Variants in STAT6 observed in about 807,000 individuals in gnomAD.
STAT6 encodes signal transducer and activator of transcription 6.
A neutral mutation model predicts 106.3 loss-of-function variants in STAT6; 45 were observed. The observed-to-expected ratio is 0.42, with a 90% CI of 0.33 to 0.54. The LOEUF (loss-of-function observed/expected upper bound fraction) is 0.54, where lower values mean the gene tolerates loss of function less well. STAT6 is among the 20% of genes least tolerant of loss of function. The probability of loss-of-function intolerance (pLI) is 0.06; values close to 1 mark genes in which losing one functional copy is unlikely to be tolerated. For synonymous variants in STAT6, 413 were observed against 413.6 expected (o/e 1.00, Z 0.02); for missense variants, 797 against 1,062.2 (o/e 0.75, Z 3.47).
In STAT6 at chr12:57,099,379, C is replaced by G. The variant is rs2033669083; in HGVS notation, c.1806G>C (p.Leu602=). The change falls in exon 16 of 22, where the codon CTG becomes CTC. Residue 602 remains leucine (L), a synonymous_variant. Coordinates refer to ENST00000300134, the MANE Select transcript of STAT6 (RefSeq NM_003153.5). The surrounding 1 kb of genome is among the most constrained non-coding windows in gnomAD (Gnocchi z 4.7). ...FSAKDLSIRS[L]GDRIRDLAQL... is the part of the protein sequence containing the mutation. ...GAGCAAGATCCCGGATTCGGTCCCC[C>G]AGTGAGCGAATGGACAGGTCTTTGG... The G allele has an allele frequency of 6.2e-7, 1 of 1,614,018 alleles. No homozygotes were observed. The highest frequency in any genetic ancestry group is 1.7e-5 in the Admixed American group (1 of 60,004).
At chr12:57,097,450 T>G (rs2033521955) in intron 19 of STAT6, among the ~76,000 whole-genome samples, 1 of 152,120 alleles carries the variant, frequency 6.6e-6, no homozygotes, top group Non-Finnish European at 1.5e-5. Flanking sequence ...AGCACCCGAG[T>G]GTCATACTTC....
At chr12:57,110,663 A>G (rs2034529994) in intron 1 of STAT6, 1 of 152,016 alleles carries the variant, frequency 6.6e-6, no homozygotes, top group South Asian at 2.1e-4. Context: ...TGAGGGGGAA[A>G]TTCCCCCTCG....
At chr12:57,097,889 CA>C (rs58220068) in intron 19 of STAT6, among the ~76,000 whole-genome samples, 1,474 of 145,178 alleles carry the variant, frequency 0.01, 16 homozygotes, top group African/African-American at 0.033. Flanking sequence ...GACCCTGTCT[CA>C]AAAAAAAAAA....
chr12:57,104,211 G>A (rs544013799), intron 11 of STAT6: 33 of 512,546 alleles, frequency 6.4e-5, no homozygotes, highest in Middle Eastern at 1.0e-3. Flanking sequence ...ACGCATGTGC[G>A]TATGTATCAT....
At position 57,096,858 on chromosome 12, in the gene STAT6, C is replaced by T. The variant is rs2033470140; in HGVS notation, c.2346G>A (p.Gln782=). 1 of 1,614,056 alleles carries T rather than the reference C, an allele frequency of 6.2e-7. No individual in the cohort carries two copies. Among genetic ancestry groups the T allele is most frequent in the Admixed American group, 1.7e-5 (1 of 59,996 alleles). The change falls in exon 21 of 22, where the codon CAG becomes CAA. Residue 782 remains glutamine (Q), a synonymous_variant. Coordinates refer to ENST00000300134, the MANE Select transcript of STAT6 (RefSeq NM_003153.5). The part of the protein sequence containing the change: ...CLSQPVTAFP[Q]GTWIGEDIFP... The stretch of plus-strand genomic sequence containing the variant: ...CCCAAGCTGCCACTCACCAAGTGCC[C>T]TGAGGAAACGCTGTCACTGGCTGGC...
intron 10 of STAT6, 62 bp downstream of exon 10, chr12:57,104,664 T>C: frequency 3.1e-6 from 5 of 1,613,662 alleles, no homozygotes; most frequent in Middle Eastern, 1.6e-4. Flanking sequence ...TGACATCCTC[T>C]CCAAGGAGAG....
At chr12:57,100,881 T>C (rs1189648499) in intron 13 of STAT6, 1 of 455,802 alleles carries the variant, frequency 2.2e-6, no homozygotes, top group Admixed American at 2.4e-5. Flanking sequence ...CATAACCCTC[T>C]GAGCATCAGA....
intron 12 of STAT6, among the ~76,000 whole-genome samples, 156 bp downstream of exon 12, chr12:57,102,673 G>T (rs2034009345): frequency 6.6e-6 from 1 of 152,048 alleles, no homozygotes; most frequent in Non-Finnish European, 1.5e-5. Context: ...TAAGACTGGG[G>T]TGAAAAGAGG....
At chr12:57,108,365 C>G in intron 1 of STAT6, 66 bp from the exon 2 acceptor site, 2 of 821,156 alleles carry the variant, frequency 2.4e-6, no homozygotes, top group Non-Finnish European at 4.1e-6. Context: ...CCTGGGGCAG[C>G]CAGGGACCTC....
Position 57,099,032 on chromosome 12 carries a change from G to C in STAT6, c.1938C>G (p.Ile646Met). 1 of 1,614,168 alleles carries C rather than the reference G, an allele frequency of 6.2e-7. No homozygotes were observed. Among genetic ancestry groups the C allele is most frequent in the Non-Finnish European group, 8.5e-7 (1 of 1,180,026 alleles). The change falls in exon 17 of 22, where the codon ATC (isoleucine) becomes ATG (methionine). Residue 646 changes from isoleucine (I) to methionine (M), a missense_variant. By Grantham distance (10) the Ile-to-Met change is conservative. Transcript: ENST00000300134. This position sits in a 1 kb window ranked among gnomAD's most constrained non-coding sequence, Gnocchi z 4.7. ...KDGRGYVPAT[I>M]KMTVERDQPL... is the part of the protein sequence containing the mutation. ...ACACTCACCTTTCCACGGTCATCTT[G>C]ATGGTAGCTGGGACATAACCCCTGC...
rs758360742 is a variant in STAT6 at position 57,108,268 on chromosome 12, C to T, written c.11G>A (p.Trp4Ter). 1.2e-6 allele frequency: 2 copies of T among 1,608,096 alleles called. No homozygotes were observed. The highest frequency in any genetic ancestry group is 1.7e-6 in the Non-Finnish European group (2 of 1,176,164). MSL[W>*]GLVSKMPPEK... The stretch of plus-strand genomic sequence containing the variant: ...TGGGGGCATCTTGGAGACCAGACCC[C>T]ACAGAGACATGATCTGGGACTTGGA... The change falls in exon 2 of 22, where the codon TGG becomes TAG. Residue 4 changes from tryptophan to a stop codon, truncating the protein, a stop_gained. Coordinates refer to ENST00000300134, the MANE Select transcript of STAT6 (RefSeq NM_003153.5). LOFTEE classifies it high-confidence loss of function.
intron 7 of STAT6, 59 bp from the exon 8 acceptor site, chr12:57,105,658 C>A: frequency 1.3e-6 from 2 of 1,574,246 alleles, no homozygotes; most frequent in Non-Finnish European, 1.7e-6. Flanking sequence ...CCGGCCCAGA[C>A]CCCCTTCCCC....
chr12:57,108,306 G>A lies in STAT6; in HGVS notation c.-21-7C>T. On this transcript the variant is annotated splice_region_variant and splice_polypyrimidine_tract_variant and intron_variant, in intron 1 of 21. Coordinates refer to ENST00000300134, the MANE Select transcript of STAT6 (RefSeq NM_003153.5). The stretch of plus-strand genomic sequence containing the variant: ...TCTGGGACTTGGAGGTTGCCTGGAG[G>A]AGAAAAATAAGGCCACTCTGAGGGG... The A allele has an allele frequency of 6.7e-7, 1 of 1,497,898 alleles. No individual in the cohort carries two copies. The highest frequency in any genetic ancestry group is 9.2e-7 in the Non-Finnish European group (1 of 1,084,782). The allele number at this position is 1,497,898 out of a possible 1,614,324, so 92.8% of individuals were successfully genotyped here.
At chr12:57,101,523 C>T (rs1367536043) in intron 13 of STAT6, among the ~76,000 whole-genome samples, 1 of 151,630 alleles carries the variant, frequency 6.6e-6, no homozygotes, top group Non-Finnish European at 1.5e-5. Context: ...AACGACCACT[C>T]CTGGCTATTT....
rs2033423431 is a variant in STAT6, at chr12:57,096,340, C to T, written c.*232G>A. 1.9e-6 allele frequency: 1 copy of T among 517,820 alleles called. No homozygotes were observed. The highest frequency in any genetic ancestry group is 3.4e-6 in the Non-Finnish European group (1 of 295,016). The allele number at this position is 517,820 out of a possible 1,614,324, so 32.1% of individuals were successfully genotyped here. The stretch of plus-strand genomic sequence containing the variant: ...GGTGTGTCTCAGAGCCTGAACTTCC[C>T]TTCCAGTCAGTGCTGGAAGGAGGTG... On this transcript the variant is annotated 3_prime_UTR_variant, in exon 22 of 22. Coordinates refer to ENST00000300134, the MANE Select transcript of STAT6 (RefSeq NM_003153.5).
chr12:57,100,638 GAGAAAGAAAGAAAGAAAGAA>G (rs201086579), intron 13 of STAT6, among the ~76,000 whole-genome samples: 70 of 100,116 alleles, frequency 7.0e-4, no homozygotes, highest in African/African-American at 1.7e-3. Context: ...GAAAGAGAAA[GAGAAAGAAAGAAAGAAAGAA>G]AGAAAGAAAG....
chr12:57,101,009 C>T, intron 13 of STAT6: 1 of 283,510 alleles, frequency 3.5e-6, no homozygotes, highest in South Asian at 2.9e-5. Flanking sequence ...AAGCTGTCAA[C>T]ACGTGGTAGC....
At chr12:57,101,716 G>A (rs2033946992) in intron 13 of STAT6, among the ~76,000 whole-genome samples, 1 of 146,332 alleles carries the variant, frequency 6.8e-6, no homozygotes, top group Admixed American at 6.9e-5. Context: ...CCAGGCTTGA[G>A]TGCAGTGGTA....
chr12:57,106,978 T>C (rs1592572346), intron 4 of STAT6, 147 bp from the exon 5 acceptor site: 2 of 1,323,780 alleles, frequency 1.5e-6, no homozygotes, highest in African/African-American at 1.5e-5. Flanking sequence ...ATCGTGGAGA[T>C]AAGACCTTGC....
Sources: allele counts gnomAD v4.1 joint callset (sites outside exome capture counted in the v4.1 genomes callset), GRCh38; gene constraint gnomAD v4.1.1; non-coding constraint Gnocchi (gnomAD v3.1); transcripts MANE v1.5; gene names NCBI Gene and HGNC (gene_info 2026-07-23, HGNC 2026-07-21).